The following GATA6 variants were observed in gnomAD, a reference collection of about 807,000 sequenced individuals.
The protein encoded by GATA6 is GATA binding protein 6, also known as transcription factor GATA-6.
Under a neutral mutation model 48.1 loss-of-function variants are expected in GATA6, and 11 were observed. The ratio of observed to expected loss-of-function variants is 0.23; its 90% CI spans 0.14 to 0.38. The LOEUF (loss-of-function observed/expected upper bound fraction) is 0.38, where lower values mean the gene tolerates loss of function less well. Ranked by LOEUF, GATA6 falls within the 10% of genes least tolerant of loss-of-function variation. The pLI, the probability that GATA6 is intolerant of heterozygous loss-of-function variation, is 1.00. For synonymous variants in GATA6, 419 were observed against 396.1 expected (o/e 1.06, Z -0.69); for missense variants, 795 against 850.3 (o/e 0.93, Z 0.81).
intron 6 of GATA6, among the ~76,000 whole-genome samples, chr18:22,197,691 G>C (rs555916004): frequency 3.3e-5 from 5 of 152,306 alleles, no homozygotes; most frequent in African/African-American, 1.2e-4. Context: ...AACCATCCCT[G>C]AGGTGGGAAA....
At position 22,202,098 on chromosome 18, in the gene GATA6, G is replaced by T. The variant is rs2033470338; in HGVS notation, c.*1275G>T. On this transcript the variant is annotated 3_prime_UTR_variant, in exon 7 of 7. Coordinates refer to ENST00000269216, the MANE Select transcript of GATA6 (RefSeq NM_005257.6). ...AATGCTTTAAGGCCTTCCTTTCAAAGCATAGTCCTTTTGGAGCCGTTTTGT... is the reference window on the plus strand; with the variant it reads ...AATGCTTTAAGGCCTTCCTTTCAAATCATAGTCCTTTTGGAGCCGTTTTGT... The T allele has an allele frequency of 6.6e-6, 1 of 152,148 alleles. No homozygotes were observed. The highest frequency in any genetic ancestry group is 6.6e-5 in the Admixed American group (1 of 15,258). 9.4% of individuals were successfully genotyped at this position (152,148 alleles called of 1,614,324 possible).
Position 22,177,952 on chromosome 18 carries a change from G to GTTTTTTTTTT in GATA6, c.1302+848_1302+857dup, listed in dbSNP as rs775374335. Among the ~76,000 whole-genome samples the GTTTTTTTTTT allele has an allele frequency of 7.7e-4, 62 of 80,500 alleles. 1 individual carries two copies. The highest frequency in any genetic ancestry group is 1.2e-3 in the Non-Finnish European group (47 of 39,194). 52.8% of individuals were successfully genotyped at this position (80,500 alleles called of 152,430 possible). On this transcript the variant is annotated intron_variant, in intron 3 of 6. Coordinates refer to ENST00000269216, the MANE Select transcript of GATA6 (RefSeq NM_005257.6). The stretch of plus-strand genomic sequence containing the variant: ...TTCGCACACGTTTTACTGTTTTTTT[G>GTTTTTTTTTT]TTTTTTTTTTTTTTTTTTTTTTTTT...
chr18:22,183,863 G>A (rs1261905538), intron 6 of GATA6, among the ~76,000 whole-genome samples: 1 of 152,198 alleles, frequency 6.6e-6, no homozygotes, highest in Admixed American at 6.5e-5. Context: ...GCGGCAAGCA[G>A]GACTTTAAAA....
At position 22,182,547 on chromosome 18, in the gene GATA6, G is replaced by A. The variant is rs141778918; in HGVS notation, c.1429-210G>A. ...TAATTTTTGTATATTTAGTAGAGAC[G>A]GGGTTTCGTCATGTTGGCCAGGCTG... On this transcript the variant is annotated intron_variant, in intron 4 of 6. Transcript: ENST00000269216. Among the ~76,000 whole-genome samples, 2,736 of 152,150 alleles carry A rather than the reference G, an allele frequency of 0.018. 98 individuals are homozygous for A. The highest frequency in any genetic ancestry group is 0.061 in the African/African-American group (2,528 of 41,522).
At chr18:22,180,195 T>A (rs2033175495) in intron 3 of GATA6, 1 of 152,110 alleles carries the variant, frequency 6.6e-6, no homozygotes, top group Non-Finnish European at 1.5e-5. Flanking sequence ...CCAATTTTAG[T>A]ATATGTGTTG....
chr18:22,170,348 C>G lies in GATA6; in HGVS notation c.-38+666C>G, dbSNP rs1218527501. ...CACGCTGGTGGCTGCAGGCGCGGGCCGTGTCTAAGGTGTGCGGCGCCGCGG... is the reference window on the plus strand; with the variant it reads ...CACGCTGGTGGCTGCAGGCGCGGGCGGTGTCTAAGGTGTGCGGCGCCGCGG... On this transcript the variant is annotated intron_variant, in intron 1 of 6. Transcript: ENST00000269216. This position sits in a 1 kb window ranked among gnomAD's most constrained non-coding sequence, Gnocchi z 6.7. Among the ~76,000 whole-genome samples, 7 of 152,220 alleles carry G rather than the reference C, an allele frequency of 4.6e-5. No individual in the cohort carries two copies. The highest frequency in any genetic ancestry group is 1.0e-4 in the Non-Finnish European group (7 of 68,030).
Position 22,201,333 on chromosome 18 carries a change from G to C in GATA6, c.*510G>C, listed in dbSNP as rs1450292228. ...ATCAAAAATATTACTCAGTTTGCAAGACTGCATTGTAACTTTAACATACAC... is the reference window on the plus strand; with the variant it reads ...ATCAAAAATATTACTCAGTTTGCAACACTGCATTGTAACTTTAACATACAC... On this transcript the variant is annotated 3_prime_UTR_variant, in exon 7 of 7. Transcript: ENST00000269216. 6.1e-6 allele frequency: 1 copy of C among 165,158 alleles called. No homozygotes were observed. The highest frequency in any genetic ancestry group is 1.3e-5 in the Non-Finnish European group (1 of 74,544). The allele number at this position is 165,158 out of a possible 1,614,324, so 10.2% of individuals were successfully genotyped here.
Position 22,201,148 on chromosome 18 carries a change from A to G in GATA6, c.*325A>G, listed in dbSNP as rs185025662. On this transcript the variant is annotated 3_prime_UTR_variant, in exon 7 of 7. Coordinates refer to ENST00000269216, the MANE Select transcript of GATA6 (RefSeq NM_005257.6). The stretch of plus-strand genomic sequence containing the variant: ...AGAGATTTTTTAAAAAAGATTTTGC[A>G]TTTTGTCCAAAATCATGTGCTTCTT... 1.9e-4 allele frequency: 66 copies of G among 347,264 alleles called. No individual in the cohort carries two copies. Among genetic ancestry groups the G allele is most frequent in the African/African-American group, 1.3e-3 (64 of 48,682 alleles). The allele number at this position is 347,264 out of a possible 1,614,324, so 21.5% of individuals were successfully genotyped here.
In GATA6 at chr18:22,201,921, C is replaced by T. The variant is rs1279661952; in HGVS notation, c.*1098C>T. 2.0e-5 allele frequency: 3 copies of T among 151,888 alleles called. No individual in the cohort carries two copies. The highest frequency in any genetic ancestry group is 2.9e-5 in the Non-Finnish European group (2 of 67,990). 9.4% of individuals were successfully genotyped at this position (151,888 alleles called of 1,614,324 possible). Reference sequence around the variant, plus strand: ...TAATTTTTTTTTTTGAATGGGATGTCCTATGGAAACCTATTTCACCAGAGT... The same window carrying T: ...TAATTTTTTTTTTTGAATGGGATGTTCTATGGAAACCTATTTCACCAGAGT... On this transcript the variant is annotated 3_prime_UTR_variant, in exon 7 of 7. Transcript: ENST00000269216.
At chr18:22,200,048 T>C (rs1309993195) in intron 6 of GATA6, among the ~76,000 whole-genome samples, 1 of 152,180 alleles carries the variant, frequency 6.6e-6, no homozygotes, top group African/African-American at 2.4e-5. Context: ...TTTTAAAGCC[T>C]GTATATGCAT....
intron 3 of GATA6, 66 bp downstream of exon 3, chr18:22,177,187 C>A: frequency 1.4e-6 from 2 of 1,431,272 alleles, no homozygotes; most frequent in Non-Finnish European, 1.8e-6. Flanking sequence ...CGGCCGGCCC[C>A]GCCCTGGCTC....
At chr18:22,188,095 G>T (rs770565523) in intron 6 of GATA6, among the ~76,000 whole-genome samples, 2 of 150,196 alleles carry the variant, frequency 1.3e-5, no homozygotes, top group East Asian at 3.9e-4. Context: ...AAAAAAAAAT[G>T]AAAAAAAAGT....
At chr18:22,179,662 A>G (rs1425040132) in intron 3 of GATA6, among the ~76,000 whole-genome samples, 9 of 146,880 alleles carry the variant, frequency 6.1e-5, no homozygotes. Flanking sequence ...CTAAAAAATT[A>G]TTTTCTTTTA....
intron 6 of GATA6, among the ~76,000 whole-genome samples, chr18:22,190,033 G>A (rs539701207): frequency 1.3e-5 from 2 of 152,300 alleles, no homozygotes; most frequent in East Asian, 3.9e-4. Flanking sequence ...TGCGATATTA[G>A]TTCATTTCTT....
intron 1 of GATA6, among the ~76,000 whole-genome samples, chr18:22,169,993 A>T (rs2033009339): frequency 6.6e-6 from 1 of 152,208 alleles, no homozygotes; most frequent in Non-Finnish European, 1.5e-5. Context: ...CTATCTAGCC[A>T]GGTCTGTGTG....
chr18:22,171,788 A>G lies in GATA6; in HGVS notation c.644A>G (p.His215Arg). The change falls in exon 2 of 7, where the codon CAC becomes CGC. Residue 215 changes from histidine to arginine, a missense_variant. Transcript: ENST00000269216. This position sits in a 1 kb window ranked among gnomAD's most constrained non-coding sequence, Gnocchi z 7.1. ...GGGTCGGGCAGTGGGCCAGCCAACC[A>G]CGCGGGCGGCGCGGGCGCGCACCCC... ...LQGSGSGPAN[H>R]AGGAGAHPGW... The G allele has an allele frequency of 1.5e-6, 2 of 1,316,804 alleles. No individual in the cohort carries two copies. The allele number at this position is 1,316,804 out of a possible 1,614,324, so 81.6% of individuals were successfully genotyped here.
At chr18:22,188,966 G>A (rs1044167130) in intron 6 of GATA6, among the ~76,000 whole-genome samples, 2 of 152,202 alleles carry the variant, frequency 1.3e-5, no homozygotes, top group African/African-American at 4.8e-5. Context: ...GGGCATTGCT[G>A]GTGATATATA....
At chr18:22,194,310 C>G (rs1189890222) in intron 6 of GATA6, among the ~76,000 whole-genome samples, 1 of 152,216 alleles carries the variant, frequency 6.6e-6, no homozygotes, top group Non-Finnish European at 1.5e-5. Context: ...CAGGAAGTGC[C>G]TCCATTTTCA....
intron 6 of GATA6, among the ~76,000 whole-genome samples, chr18:22,195,157 GA>G (rs2033375299): frequency 6.6e-6 from 1 of 152,194 alleles, no homozygotes; most frequent in Admixed American, 6.5e-5. Context: ...CAGAGTGAGA[GA>G]ATATCGGTTT....
Sources: allele counts gnomAD v4.1 joint callset (sites outside exome capture counted in the v4.1 genomes callset), GRCh38; gene constraint gnomAD v4.1.1; non-coding constraint Gnocchi (gnomAD v3.1); transcripts MANE v1.5; gene names NCBI Gene and HGNC (gene_info 2026-07-23, HGNC 2026-07-21).